Variants in CREBRF observed in about 807,000 individuals in gnomAD.
The protein encoded by CREBRF is CREB3 regulatory factor.
CREBRF carries 5 observed loss-of-function variants against 66.1 expected under a neutral mutation model. That is an observed-to-expected ratio of 0.08 (90% CI 0.04 to 0.16). The LOEUF (loss-of-function observed/expected upper bound fraction) is 0.16. Ranked by LOEUF, CREBRF falls within the 10% of genes least tolerant of loss-of-function variation. The pLI, the probability that CREBRF is intolerant of heterozygous loss-of-function variation, is 1.00. For synonymous variants in CREBRF, 229 were observed against 264.4 expected (o/e 0.87, Z 1.30); for missense variants, 531 against 744.9 (o/e 0.71, Z 3.34).
chr5:173,120,211 A>C (rs887937318), intron 7 of CREBRF, among the ~76,000 whole-genome samples: 1 of 152,094 alleles, frequency 6.6e-6, no homozygotes, highest in African/African-American at 2.4e-5. Context: ...TGTTTGACAA[A>C]GTTTTATAAG....
intron 7 of CREBRF, among the ~76,000 whole-genome samples, chr5:173,119,515 C>T (rs1759086062): frequency 6.6e-6 from 1 of 152,044 alleles, no homozygotes; most frequent in Non-Finnish European, 1.5e-5. Context: ...GTGTATTACT[C>T]TTAGTTCCAG....
At chr5:173,101,763 T>G (rs1242307254) in intron 4 of CREBRF, among the ~76,000 whole-genome samples, 1 of 152,048 alleles carries the variant, frequency 6.6e-6, no homozygotes, top group Non-Finnish European at 1.5e-5. Flanking sequence ...TTGGTCAGGC[T>G]GGTCTTGAAC....
At chr5:173,112,539 C>T (rs1358136983) in intron 7 of CREBRF, among the ~76,000 whole-genome samples, 160 bp downstream of exon 7, 3 of 152,218 alleles carry the variant, frequency 2.0e-5, no homozygotes, top group African/African-American at 7.2e-5. Context: ...CACTTTCCTT[C>T]AGTCTTGTCC....
At chr5:173,058,650 A>G (rs906626246) in intron 1 of CREBRF, among the ~76,000 whole-genome samples, 9 of 148,452 alleles carry the variant, frequency 6.1e-5, no homozygotes, top group African/African-American at 2.2e-4. Context: ...CGCCCGGCTA[A>G]TTTTTTTTGT....
intron 4 of CREBRF, among the ~76,000 whole-genome samples, chr5:173,105,507 G>T (rs1389569231): frequency 6.6e-6 from 1 of 152,020 alleles, no homozygotes; most frequent in African/African-American, 2.4e-5. Context: ...TCTTGCTGTT[G>T]TTGCCCAGGT....
chr5:173,086,697 A>C, intron 3 of CREBRF, 71 bp downstream of exon 3: 1 of 1,400,432 alleles, frequency 7.1e-7, no homozygotes, highest in Non-Finnish European at 9.6e-7. Flanking sequence ...TTTTTTGTTT[A>C]TAAATGCCTG....
At chr5:173,088,289 CAG>C (rs1158898524) in intron 3 of CREBRF, among the ~76,000 whole-genome samples, 1 of 72,858 alleles carries the variant, frequency 1.4e-5, no homozygotes, top group Non-Finnish European at 2.4e-5. Flanking sequence ...TTTTTTGAGA[CAG>C]AGTTTCGCTC....
Position 173,091,264 on chromosome 5 carries a change from A to G in CREBRF, c.1085A>G (p.Glu362Gly). Residue 362 changes from glutamate to glycine, a missense_variant, in exon 4 of 9, where the codon GAG becomes GGG. Glu to Gly is a moderately conservative substitution (Grantham distance 98). Around this residue, in one of 5 missense-constraint regions of CREBRF, gnomAD observed 309 missense variants for 341.4 expected, o/e 0.90. Coordinates refer to ENST00000296953, the MANE Select transcript of CREBRF (RefSeq NM_153607.3). ...CCTGAAGAAGATGAGGAGGACGAGG[A>G]GGATGTTGATGATGAGGACCATGAT... is the stretch of plus-strand genomic sequence containing the variant. Reference protein sequence around the residue: ...CSPEEDEEDEEDVDDEDHDEG... With the variant: ...CSPEEDEEDEGDVDDEDHDEG... 6.2e-7 allele frequency: 1 copy of G among 1,613,986 alleles called. No homozygotes were observed. The highest frequency in any genetic ancestry group is 8.5e-7 in the Non-Finnish European group (1 of 1,179,930).
chr5:173,126,981 G>C (rs1342054348), intron 8 of CREBRF, among the ~76,000 whole-genome samples: 2 of 152,114 alleles, frequency 1.3e-5, no homozygotes, highest in African/African-American at 4.8e-5. Flanking sequence ...GAGGTCAGGA[G>C]CTCAAGACCA....
Position 173,137,283 on chromosome 5 carries a change from A to G in CREBRF, c.*3538A>G, listed in dbSNP as rs1759608076. The G allele has an allele frequency of 6.6e-6, 1 of 152,134 alleles. No homozygotes were observed. Among genetic ancestry groups the G allele is most frequent in the South Asian group, 2.1e-4 (1 of 4,834 alleles). The allele number at this position is 152,134 out of a possible 1,614,324, so 9.4% of individuals were successfully genotyped here. On this transcript the variant is annotated 3_prime_UTR_variant, in exon 9 of 9. Transcript: ENST00000296953. ...CTTTGACCTTTTTGGTAAGAGAATC[A>G]GAACTATTACAAAAGCATCATGAAG...
chr5:173,081,096 A>G (rs905731840), intron 2 of CREBRF, among the ~76,000 whole-genome samples: 1 of 152,176 alleles, frequency 6.6e-6, no homozygotes, highest in Non-Finnish European at 1.5e-5. Flanking sequence ...TCCCGTTTCT[A>G]TCTCCTCACT....
chr5:173,127,341 G>GGTT (rs1182999111), intron 8 of CREBRF, among the ~76,000 whole-genome samples: 1 of 151,420 alleles, frequency 6.6e-6, no homozygotes, highest in Non-Finnish European at 1.5e-5. Context: ...ATGGAGACGG[G>GGTT]GTTTCACCAC....
In CREBRF at chr5:173,087,149, G is replaced by T. The variant is rs561385997; in HGVS notation, c.135+523G>T. Among the ~76,000 whole-genome samples the T allele has an allele frequency of 1.3e-4, 20 of 152,124 alleles. No homozygotes were observed. In the South Asian group the frequency reaches 3.5e-3, roughly 27 times the overall value. On this transcript the variant is annotated intron_variant, in intron 3 of 8. Coordinates refer to ENST00000296953, the MANE Select transcript of CREBRF (RefSeq NM_153607.3). The stretch of plus-strand genomic sequence containing the variant: ...TTTAGTAGGGACAGGGTGTCACCAC[G>T]TTGGCCAGGCTGGTCTCGAACTCCT...
chr5:173,117,621 C>G (rs1759029526), intron 7 of CREBRF, among the ~76,000 whole-genome samples: 1 of 71,016 alleles, frequency 1.4e-5, no homozygotes, highest in Admixed American at 1.4e-4. Context: ...CTCCCTCCCT[C>G]ACTCCCTCCC....
intron 1 of CREBRF, among the ~76,000 whole-genome samples, chr5:173,062,428 G>GGA (rs1248931654): frequency 6.6e-6 from 1 of 152,080 alleles, no homozygotes; most frequent in Non-Finnish European, 1.5e-5. Context: ...TTAGAAAGGA[G>GGA]GAATTAATCA....
intron 1 of CREBRF, among the ~76,000 whole-genome samples, chr5:173,077,832 C>T (rs538822680): frequency 4.5e-4 from 69 of 152,196 alleles, no homozygotes; most frequent in Middle Eastern, 3.4e-3. Context: ...AATATTTGTC[C>T]TTTTGTGTCT....
Position 173,063,570 on chromosome 5 carries a change from T to C in CREBRF, c.-192+7091T>C, listed in dbSNP as rs374980960. Reference sequence around the variant, plus strand: ...TTTTAGTAGAGGTGGGGTTTCGCCATGTTGGCCAGGCTGGTCTTGAACTCC... The same window carrying C: ...TTTTAGTAGAGGTGGGGTTTCGCCACGTTGGCCAGGCTGGTCTTGAACTCC... On this transcript the variant is annotated intron_variant, in intron 1 of 8. Coordinates refer to ENST00000296953, the MANE Select transcript of CREBRF (RefSeq NM_153607.3). 2.6e-5 allele frequency among the ~76,000 whole-genome samples: 4 copies of C among 152,206 alleles called. No homozygotes were observed. The East Asian group carries it at 7.7e-4, about 29-fold the overall frequency.
intron 8 of CREBRF, chr5:173,123,453 C>T (rs1029899830): frequency 2.9e-6 from 1 of 350,408 alleles, no homozygotes; most frequent in South Asian, 3.2e-5. Context: ...CTTCTAGCAA[C>T]TTTAACCTTT....
intron 4 of CREBRF, among the ~76,000 whole-genome samples, chr5:173,100,923 A>G (rs1040197783): frequency 6.6e-6 from 1 of 152,100 alleles, no homozygotes. Context: ...GAGCTTAAGC[A>G]ATCTTCCCAG....
Sources: gnomAD v4.1 joint callset for allele counts (sites outside exome capture counted in the v4.1 genomes callset) on GRCh38, gnomAD v4.1.1 for gene constraint, gnomAD v4.1.1 regional missense constraint, MANE v1.5 for transcripts, NCBI Gene and HGNC (gene_info 2026-07-23, HGNC 2026-07-21) for gene names.